Variants in ZEB1 observed in about 807,000 individuals in gnomAD.
ZEB1 encodes the protein zinc finger E-box binding homeobox 1.
Under a neutral mutation model 84.9 loss-of-function variants are expected in ZEB1, and 21 were observed. That is an observed-to-expected ratio of 0.25 (90% confidence interval 0.18 to 0.36). The LOEUF (loss-of-function observed/expected upper bound fraction) is 0.36. ZEB1 is among the 10% of genes least tolerant of loss of function. ZEB1 has a pLI of 1.00. For missense variants in ZEB1, 1,104 were observed against 1,330.2 expected (o/e 0.83, Z 2.65); for synonymous variants, 420 against 471.1 (o/e 0.89, Z 1.41).
At chr10:31,493,160 T>TC (rs1479274441) in intron 2 of ZEB1, among the ~76,000 whole-genome samples, 1 of 151,922 alleles carries the variant, frequency 6.6e-6, no homozygotes, top group African/African-American at 2.4e-5. Flanking sequence ...ACCACTAATC[T>TC]CCATCTTTAC....
intron 2 of ZEB1, among the ~76,000 whole-genome samples, chr10:31,475,138 C>G (rs1265275937): frequency 6.6e-6 from 1 of 151,300 alleles, no homozygotes; most frequent in East Asian, 1.9e-4. Context: ...TGCAGTGCAC[C>G]AGCGTGGCAC....
intron 2 of ZEB1, among the ~76,000 whole-genome samples, chr10:31,474,449 C>A (rs1217576536): frequency 2.0e-5 from 3 of 152,224 alleles, no homozygotes; most frequent in Non-Finnish European, 2.9e-5. Flanking sequence ...AGCCAAAAAA[C>A]ACATGAAAAA....
At chr10:31,441,245 T>C (rs1475031777) in intron 1 of ZEB1, among the ~76,000 whole-genome samples, 1 of 152,048 alleles carries the variant, frequency 6.6e-6, no homozygotes, top group Non-Finnish European at 1.5e-5. Flanking sequence ...GCCTCAGAAA[T>C]AATGCCACAC....
chr10:31,365,488 CTGT>C (rs1312654314), intron 1 of ZEB1, among the ~76,000 whole-genome samples: 4 of 152,148 alleles, frequency 2.6e-5, no homozygotes, highest in Admixed American at 6.5e-5. Context: ...AATTGCATGT[CTGT>C]TGTTATGGAA....
At chr10:31,332,550 T>C (rs963498673) in intron 1 of ZEB1, among the ~76,000 whole-genome samples, 2 of 152,200 alleles carry the variant, frequency 1.3e-5, no homozygotes, top group African/African-American at 4.8e-5. Flanking sequence ...TTCTGTGTCA[T>C]AGATATTTAA....
intron 2 of ZEB1, among the ~76,000 whole-genome samples, chr10:31,477,237 A>C (rs1241012812): frequency 1.3e-5 from 2 of 152,102 alleles, no homozygotes; most frequent in Non-Finnish European, 2.9e-5. Flanking sequence ...AACCAGTAGC[A>C]TTTCTGTATA....
chr10:31,360,705 C>T (rs1367182435), intron 1 of ZEB1, among the ~76,000 whole-genome samples: 6 of 152,046 alleles, frequency 3.9e-5, no homozygotes, highest in East Asian at 1.9e-4. Flanking sequence ...TTTTTTTATC[C>T]GAGTCTAATC....
intron 1 of ZEB1, among the ~76,000 whole-genome samples, chr10:31,414,311 A>G (rs2054827413): frequency 6.6e-6 from 1 of 152,178 alleles, no homozygotes; most frequent in Non-Finnish European, 1.5e-5. Flanking sequence ...TAGTAATTTA[A>G]TGAAAAAAAT....
intron 1 of ZEB1, among the ~76,000 whole-genome samples, chr10:31,429,683 TAA>T (rs551407003): frequency 4.5e-5 from 4 of 88,380 alleles, no homozygotes; most frequent in African/African-American, 4.4e-5. Context: ...ATTTAAAAGT[TAA>T]AAAAAAAAAA....
intron 2 of ZEB1, among the ~76,000 whole-genome samples, chr10:31,478,286 A>G (rs765238785): frequency 2.6e-5 from 4 of 152,090 alleles, no homozygotes; most frequent in Non-Finnish European, 5.9e-5. Flanking sequence ...AGAAGTGCAA[A>G]TTGAAGCCAC....
At chr10:31,348,260 GT>G (rs1396266142) in intron 1 of ZEB1, among the ~76,000 whole-genome samples, 1 of 152,100 alleles carries the variant, frequency 6.6e-6, no homozygotes, top group Non-Finnish European at 1.5e-5. Flanking sequence ...TGCTCTTCTG[GT>G]TTTTTTAAGA....
chr10:31,481,621 T>G (rs769278390), intron 2 of ZEB1, among the ~76,000 whole-genome samples: 13 of 151,850 alleles, frequency 8.6e-5, no homozygotes, highest in Non-Finnish European at 1.8e-4. Context: ...ACCAAGAGTT[T>G]GAGACCAACC....
intron 1 of ZEB1, among the ~76,000 whole-genome samples, chr10:31,360,767 A>AT (rs2042894138): frequency 6.6e-6 from 1 of 152,232 alleles, no homozygotes; most frequent in Admixed American, 6.5e-5. Context: ...TTAGTGAGTG[A>AT]TTTTTTTAAA....
chr10:31,475,765 C>G (rs1176568636), intron 2 of ZEB1, among the ~76,000 whole-genome samples: 1 of 152,110 alleles, frequency 6.6e-6, no homozygotes, highest in Non-Finnish European at 1.5e-5. Flanking sequence ...ACTACACCAT[C>G]TTACAAGAAA....
intron 2 of ZEB1, among the ~76,000 whole-genome samples, chr10:31,473,611 T>TAGA (rs1386437290): frequency 1.3e-5 from 2 of 149,694 alleles, no homozygotes; most frequent in East Asian, 3.9e-4. Context: ...GAAGAATCAA[T>TAGA]ATCGTGAAAA....
chr10:31,365,118 T>G (rs2044210993), intron 1 of ZEB1, among the ~76,000 whole-genome samples: 1 of 152,242 alleles, frequency 6.6e-6, no homozygotes, highest in Non-Finnish European at 1.5e-5. Context: ...AAAAGAAATT[T>G]GCCAGTGGAT....
intron 1 of ZEB1, chr10:31,358,559 A>G (rs191782541): frequency 2.0e-5 from 3 of 152,354 alleles, no homozygotes; most frequent in Admixed American, 1.3e-4. Context: ...TTTAAAAAGT[A>G]TATTTTCTCT....
At position 31,527,005 on chromosome 10, in the gene ZEB1, A is replaced by T; in HGVS notation, c.3119A>T (p.Glu1040Val). Residue 1040 changes from glutamate to valine, a missense_variant, in exon 9 of 9, where the codon GAG (glutamate) becomes GTG (valine). Around this residue, in one of 7 missense-constraint regions of ZEB1, gnomAD observed 173 missense variants for 167.0 expected, o/e 1.04. Transcript: ENST00000424869. Reference protein sequence around the residue: ...TREEDEDSEKEEEEEDKEMEE... With the variant: ...TREEDEDSEKVEEEEDKEMEE... The stretch of plus-strand genomic sequence containing the variant: ...GAAGAGGATGAAGACAGTGAAAAAG[A>T]GGAAGAGGAGGAGGATAAAGAGATG... The T allele has an allele frequency of 3.1e-6, 5 of 1,603,888 alleles. No homozygotes were observed. Among genetic ancestry groups the T allele is most frequent in the Non-Finnish European group, 4.3e-6 (5 of 1,174,294 alleles).
intron 1 of ZEB1, among the ~76,000 whole-genome samples, chr10:31,367,145 T>C (rs1564612118): frequency 1.3e-5 from 2 of 152,170 alleles, no homozygotes; most frequent in African/African-American, 4.8e-5. Context: ...ATAAGTTGTG[T>C]GTATTTTAGA....
Sources: gnomAD v4.1 joint callset for allele counts (sites outside exome capture counted in the v4.1 genomes callset) on GRCh38, gnomAD v4.1.1 for gene constraint, gnomAD v4.1.1 regional missense constraint, MANE v1.5 for transcripts, NCBI Gene and HGNC (gene_info 2026-07-23, HGNC 2026-07-21) for gene names.